ZMIZ1: variants seen among roughly 807,000 people sequenced by gnomAD.
ZMIZ1 encodes the protein zinc finger MIZ domain-containing protein 1.
Under a neutral mutation model 113.9 loss-of-function variants are expected in ZMIZ1, and 17 were observed. The ratio of observed to expected loss-of-function variants is 0.15; its 90% CI spans 0.10 to 0.22. The LOEUF is 0.22. Among genes scored for constraint, ZMIZ1 ranks in the 10% least tolerant of loss-of-function variants. The pLI is 1.00. For missense variants in ZMIZ1, 1,059 were observed against 1,477.8 expected, an observed-to-expected ratio of 0.72 and a Z score of 4.65; for synonymous variants, 607 against 603.1, an observed-to-expected ratio of 1.01 and a Z score of -0.09.
At chr10:79,133,471 T>C (rs1473020134) in intron 2 of ZMIZ1, among the ~76,000 whole-genome samples, 2 of 152,098 alleles carry the variant, frequency 1.3e-5, no homozygotes, top group Non-Finnish European at 2.9e-5. Flanking sequence ...AGTGAAAGTA[T>C]AGGGCCAGCA....
At chr10:79,106,670 C>T (rs1843571067) in intron 1 of ZMIZ1, among the ~76,000 whole-genome samples, 1 of 152,260 alleles carries the variant, frequency 6.6e-6, no homozygotes, top group South Asian at 2.1e-4. Flanking sequence ...GGTCAACACT[C>T]AGCCCTTGAG....
At chr10:79,114,467 G>A (rs1294153216) in intron 1 of ZMIZ1, among the ~76,000 whole-genome samples, 2 of 113,038 alleles carry the variant, frequency 1.8e-5, no homozygotes, top group Non-Finnish European at 3.8e-5. Flanking sequence ...GTGTGTATGT[G>A]TGTGTGTGTC....
intron 4 of ZMIZ1, among the ~76,000 whole-genome samples, chr10:79,164,663 T>C (rs573388928): frequency 2.0e-5 from 3 of 152,210 alleles, no homozygotes; most frequent in Non-Finnish European, 4.4e-5. Flanking sequence ...CATCTTCCAA[T>C]TCAACTTTCC....
rs539399458 is a variant in ZMIZ1 at position 79,130,490 on chromosome 10, C to T, written c.-226-9192C>T. On this transcript the variant is annotated intron_variant, in intron 2 of 24. Coordinates refer to ENST00000334512, the MANE Select transcript of ZMIZ1 (RefSeq NM_020338.4). The stretch of plus-strand genomic sequence containing the variant: ...GATGCAGTGCCCCTGCCGTGCCCTT[C>T]TCAGACTCCCCCTTGAGCTGCTGCC... Among the ~76,000 whole-genome samples, 20 of 152,344 alleles carry T rather than the reference C, an allele frequency of 1.3e-4. No individual in the cohort carries two copies. The East Asian group carries it at 2.9e-3, about 22-fold the overall frequency.
At chr10:79,276,075 G>A (rs1304544251) in intron 7 of ZMIZ1, among the ~76,000 whole-genome samples, 1 of 152,296 alleles carries the variant, frequency 6.6e-6, no homozygotes, top group South Asian at 2.1e-4. Flanking sequence ...ATCAGCTGAG[G>A]TGTGGCCACC....
At chr10:79,258,057 A>G (rs528056273) in intron 7 of ZMIZ1, among the ~76,000 whole-genome samples, 1 of 152,330 alleles carries the variant, frequency 6.6e-6, no homozygotes, top group Admixed American at 6.5e-5. Context: ...CAGTATCCCC[A>G]TGTGCTAATT....
At chr10:79,165,972 G>GGGCTCTCCCTGCAGCTCAGC in intron 4 of ZMIZ1, among the ~76,000 whole-genome samples, 1 of 56,040 alleles carries the variant, frequency 1.8e-5, no homozygotes, top group African/African-American at 9.0e-5. Context: ...GTGTGTGTGT[G>GGGCTCTCCCTGCAGCTCAGC]TGTGTGTGTG....
chr10:79,111,845 G>C (rs577450314), intron 1 of ZMIZ1, among the ~76,000 whole-genome samples: 1 of 152,326 alleles, frequency 6.6e-6, no homozygotes, highest in South Asian at 2.1e-4. Context: ...AAAGCTGATC[G>C]GGGGCTATAG....
At chr10:79,264,718 G>C (rs886184527) in intron 7 of ZMIZ1, among the ~76,000 whole-genome samples, 4 of 152,190 alleles carry the variant, frequency 2.6e-5, no homozygotes, top group African/African-American at 7.2e-5. Context: ...ACGAGGAAAT[G>C]TGAGCCAGCC....
intron 4 of ZMIZ1, among the ~76,000 whole-genome samples, chr10:79,174,603 C>G (rs1038142311): frequency 6.6e-6 from 1 of 152,214 alleles, no homozygotes; most frequent in East Asian, 1.9e-4. Context: ...AAGGGATGCT[C>G]ATGTTGGGAA....
Position 79,280,788 on chromosome 10 carries a change from A to G in ZMIZ1, c.425+3463A>G, listed in dbSNP as rs559139370. On this transcript the variant is annotated intron_variant, in intron 8 of 24. Coordinates refer to ENST00000334512, the MANE Select transcript of ZMIZ1 (RefSeq NM_020338.4). Reference sequence around the variant, plus strand: ...CTTTGGTTAAGGACCGCTGCTCTAAAAAGACAAAACCTGCCTCCACCTCCC... The same window carrying G: ...CTTTGGTTAAGGACCGCTGCTCTAAGAAGACAAAACCTGCCTCCACCTCCC... Among the ~76,000 whole-genome samples, 18 of 152,008 alleles carry G rather than the reference A, an allele frequency of 1.2e-4. No homozygotes were observed. The East Asian group carries it at 3.5e-3, about 29-fold the overall frequency.
chr10:79,293,895 C>T (rs965773492), intron 12 of ZMIZ1: 38 of 620,900 alleles, frequency 6.1e-5, no homozygotes, highest in Non-Finnish European at 9.0e-5. Flanking sequence ...AGGAGGTGTC[C>T]GTGAAGTGCT....
At chr10:79,304,875 C>T (rs1350968773) in intron 19 of ZMIZ1, among the ~76,000 whole-genome samples, 1 of 152,016 alleles carries the variant, frequency 6.6e-6, no homozygotes, top group Non-Finnish European at 1.5e-5. Context: ...TATTACAGGG[C>T]AAAAAACAGT....
chr10:79,229,357 A>G (rs926446528), intron 7 of ZMIZ1, among the ~76,000 whole-genome samples: 8 of 152,186 alleles, frequency 5.3e-5, no homozygotes, highest in African/African-American at 1.9e-4. Context: ...AGAGCTCGGG[A>G]AGTCTGGCCA....
At chr10:79,189,439 G>A (rs1016395846) in intron 4 of ZMIZ1, among the ~76,000 whole-genome samples, 2 of 152,218 alleles carry the variant, frequency 1.3e-5, no homozygotes, top group Admixed American at 6.5e-5. Context: ...TGCTCAGGGC[G>A]AGGCTAAGTT....
chr10:79,220,150 G>A (rs1363610791), intron 7 of ZMIZ1, among the ~76,000 whole-genome samples: 1 of 152,198 alleles, frequency 6.6e-6, no homozygotes, highest in Non-Finnish European at 1.5e-5. Context: ...TCTGTGAAGA[G>A]AGCTGATTTG....
chr10:79,202,967 G>A (rs1247898945), intron 5 of ZMIZ1, among the ~76,000 whole-genome samples: 1 of 152,258 alleles, frequency 6.6e-6, no homozygotes, highest in Non-Finnish European at 1.5e-5. Flanking sequence ...AGGATGCTGT[G>A]AGGATGTTGT....
chr10:79,129,696 T>G lies in ZMIZ1; in HGVS notation c.-226-9986T>G, dbSNP rs539943724. On this transcript the variant is annotated intron_variant, in intron 2 of 24. Coordinates refer to ENST00000334512, the MANE Select transcript of ZMIZ1 (RefSeq NM_020338.4). ...CAGTCTCCCTATTTGCACTGAGGGCTTTAGTGGCTTTGCTCCCAGCTTTCT... is the reference window on the plus strand; with the variant it reads ...CAGTCTCCCTATTTGCACTGAGGGCGTTAGTGGCTTTGCTCCCAGCTTTCT... Among the ~76,000 whole-genome samples, 11 of 152,302 alleles carry G rather than the reference T, an allele frequency of 7.2e-5. No homozygotes were observed. The East Asian group carries it at 1.9e-3, about 27-fold the overall frequency.
chr10:79,122,115 G>A (rs1191474403), intron 2 of ZMIZ1, among the ~76,000 whole-genome samples: 1 of 152,216 alleles, frequency 6.6e-6, no homozygotes, highest in African/African-American at 2.4e-5. Context: ...AGTAAGTGTA[G>A]CAATTGTGGG....
Sources: allele counts gnomAD v4.1 joint callset (sites outside exome capture counted in the v4.1 genomes callset), GRCh38; gene constraint gnomAD v4.1.1; transcripts MANE v1.5; gene names NCBI Gene and HGNC (gene_info 2026-07-23, HGNC 2026-07-21).